Variants in IL1RAPL1 observed in about 807,000 individuals in gnomAD.
The protein encoded by IL1RAPL1 is interleukin 1 receptor accessory protein like 1.
In IL1RAPL1, 3 loss-of-function variants were observed where a neutral mutation model predicts 48.4. The observed-to-expected ratio is 0.06, with a 90% CI of 0.03 to 0.16. IL1RAPL1 has a LOEUF of 0.16. Ranked by LOEUF, IL1RAPL1 falls within the 10% of genes least tolerant of loss-of-function variation. IL1RAPL1 has a pLI of 1.00. For synonymous variants in IL1RAPL1, 185 were observed against 187.7 expected (o/e 0.99, Z 0.12); for missense variants, 349 against 530.6 (o/e 0.66, Z 3.36).
intron 5 of IL1RAPL1, among the ~76,000 whole-genome samples, chrX:29,649,013 G>A (rs1925428476): frequency 9.0e-6 from 1 of 111,482 alleles, no homozygotes; most frequent in Non-Finnish European, 1.9e-5. Flanking sequence ...AGATAATCTA[G>A]GAGAAATGAA....
chrX:28,749,501 T>G (rs1378610068), intron 1 of IL1RAPL1, among the ~76,000 whole-genome samples: 1 of 111,916 alleles, frequency 8.9e-6, no homozygotes, highest in African/African-American at 3.2e-5. Flanking sequence ...TTTGCATTTC[T>G]CTAATGATTA....
At chrX:29,364,941 T>TAATC (rs1180555129) in intron 3 of IL1RAPL1, among the ~76,000 whole-genome samples, 1 of 111,812 alleles carries the variant, frequency 8.9e-6, no homozygotes, top group African/African-American at 3.2e-5. Flanking sequence ...GATAGAATTT[T>TAATC]AATCAGTAAG....
chrX:29,751,977 ATATATGTGTGTG>A (rs1928475855), intron 6 of IL1RAPL1, among the ~76,000 whole-genome samples: 1 of 103,347 alleles, frequency 9.7e-6, no homozygotes, highest in Non-Finnish European at 2.0e-5. Context: ...TATATATCAT[ATATATGTGTGTG>A]TATATATATA....
chrX:29,653,830 A>G (rs771735074), intron 5 of IL1RAPL1, among the ~76,000 whole-genome samples: 11 of 111,064 alleles, frequency 9.9e-5, no homozygotes, highest in Non-Finnish European at 2.1e-4. Context: ...GAGAAAAGTA[A>G]TGATGATCTA....
intron 6 of IL1RAPL1, among the ~76,000 whole-genome samples, chrX:29,895,551 C>CAAAG (rs761488177): frequency 2.7e-5 from 3 of 112,320 alleles, no homozygotes; most frequent in African/African-American, 9.7e-5. Flanking sequence ...GACTCCGTCT[C>CAAAG]AAAGAAAAAA....
At chrX:28,710,800 A>T (rs1256811897) in intron 1 of IL1RAPL1, among the ~76,000 whole-genome samples, 1 of 112,229 alleles carries the variant, frequency 8.9e-6, no homozygotes, top group African/African-American at 3.2e-5. Context: ...TACTTTTCGT[A>T]CTAAGACATT....
intron 6 of IL1RAPL1, among the ~76,000 whole-genome samples, chrX:29,724,090 C>T (rs1927715368): frequency 8.9e-6 from 1 of 112,038 alleles, no homozygotes; most frequent in South Asian, 3.7e-4. Context: ...GCTGGGATTA[C>T]AGGCGTGAGC....
chrX:29,515,382 G>T (rs1935435268), intron 5 of IL1RAPL1, among the ~76,000 whole-genome samples: 1 of 111,853 alleles, frequency 8.9e-6, no homozygotes, highest in African/African-American at 3.3e-5. Flanking sequence ...TCCTCCTGTT[G>T]CCAATTAGTA....
chrX:29,417,145 C>T (rs951432305), intron 5 of IL1RAPL1, among the ~76,000 whole-genome samples: 1 of 111,790 alleles, frequency 8.9e-6, no homozygotes, highest in Admixed American at 9.6e-5. Context: ...TTTCCCTTGC[C>T]TTTATCACAA....
chrX:29,215,569 A>ATTTAT (rs1488942746), intron 2 of IL1RAPL1, among the ~76,000 whole-genome samples: 1 of 111,198 alleles, frequency 9.0e-6, no homozygotes, highest in Admixed American at 9.6e-5. Context: ...GAGGCAGAAC[A>ATTTAT]TTATAAATAG....
At chrX:28,791,742 CTTGT>C (rs748529293) in intron 2 of IL1RAPL1, among the ~76,000 whole-genome samples, 5 of 111,747 alleles carry the variant, frequency 4.5e-5, no homozygotes, top group East Asian at 2.8e-4. Flanking sequence ...TGGATGGAGG[CTTGT>C]TTGTTTGTTT....
chrX:28,601,323 G>A (rs1934023620), intron 1 of IL1RAPL1, among the ~76,000 whole-genome samples: 1 of 111,251 alleles, frequency 9.0e-6, no homozygotes, highest in South Asian at 3.8e-4. Context: ...CTAACTAGAG[G>A]CTGAGGCAGG....
chrX:29,339,033 A>T (rs1314569637), intron 3 of IL1RAPL1, among the ~76,000 whole-genome samples: 2 of 107,510 alleles, frequency 1.9e-5, no homozygotes, highest in African/African-American at 6.8e-5. Flanking sequence ...AGCCGCAGGT[A>T]CTGAGAACTG....
chrX:29,339,075 T>TGCACAC (rs1555995003), intron 3 of IL1RAPL1, among the ~76,000 whole-genome samples: 1 of 92,318 alleles, frequency 1.1e-5, no homozygotes, highest in Non-Finnish European at 2.1e-5. Flanking sequence ...GCTGGGTAAA[T>TGCACAC]ACACACACAC....
intron 2 of IL1RAPL1, among the ~76,000 whole-genome samples, chrX:28,838,113 G>A (rs1921273577): frequency 9.4e-6 from 1 of 106,157 alleles, no homozygotes; most frequent in Non-Finnish European, 1.9e-5. Context: ...TTGCTATGTG[G>A]AAATAAGGAG....
intron 2 of IL1RAPL1, among the ~76,000 whole-genome samples, chrX:28,953,967 G>A (rs185884416): frequency 9.0e-6 from 1 of 111,165 alleles, no homozygotes; most frequent in East Asian, 2.8e-4. Flanking sequence ...GTTGAATTAC[G>A]TCAAGTGTAG....
chrX:28,707,308 T>C (rs1473737969), intron 1 of IL1RAPL1, among the ~76,000 whole-genome samples: 1 of 112,255 alleles, frequency 8.9e-6, no homozygotes, highest in Non-Finnish European at 1.9e-5. Flanking sequence ...AAATAAATAG[T>C]TCAGTTTCTT....
chrX:29,894,625 C>T (rs371354998), intron 6 of IL1RAPL1, among the ~76,000 whole-genome samples: 2 of 111,577 alleles, frequency 1.8e-5, no homozygotes, highest in Admixed American at 9.5e-5. Context: ...GAAAGCAGCA[C>T]GAAATCCCCA....
chrX:29,620,521 C>A (rs1367582799), intron 5 of IL1RAPL1, among the ~76,000 whole-genome samples: 1 of 112,012 alleles, frequency 8.9e-6, no homozygotes, highest in African/African-American at 3.2e-5. Context: ...TTCCTCTTCC[C>A]ACTTGACTAG....
Sources: allele counts gnomAD v4.1 joint callset (sites outside exome capture counted in the v4.1 genomes callset), GRCh38; gene constraint gnomAD v4.1.1; transcripts MANE v1.5; gene names NCBI Gene and HGNC (gene_info 2026-07-23, HGNC 2026-07-21).